The following SERAC1 variants were observed in gnomAD, a reference collection of about 807,000 sequenced individuals.
SERAC1 encodes the protein serine active site containing 1.
A neutral mutation model predicts 85.7 loss-of-function variants in SERAC1; 36 were observed. The ratio of observed to expected loss-of-function variants is 0.42; its 90% CI spans 0.32 to 0.55. The LOEUF is 0.55. Among genes scored for constraint, SERAC1 ranks in the 20% least tolerant of loss-of-function variants. The pLI is 0.11. For missense variants in SERAC1, 629 were observed against 796.2 expected (o/e 0.79, Z 2.53); for synonymous variants, 242 against 265.3 (o/e 0.91, Z 0.85).
chr6:158,155,513 T>C (rs1010666396), intron 2 of SERAC1, among the ~76,000 whole-genome samples, 162 bp from the exon 3 acceptor site: 1 of 152,204 alleles, frequency 6.6e-6, no homozygotes, highest in Non-Finnish European at 1.5e-5. Flanking sequence ...TCTCCTATCC[T>C]TAGACACAAA....
chr6:158,131,498 A>C (rs1351134725), intron 8 of SERAC1, among the ~76,000 whole-genome samples: 1 of 148,132 alleles, frequency 6.8e-6, no homozygotes, highest in Non-Finnish European at 1.5e-5. Flanking sequence ...TATTTTTTGT[A>C]TATTTATTTT....
chr6:158,133,627 C>A (rs1404714679), intron 8 of SERAC1, among the ~76,000 whole-genome samples: 3 of 151,972 alleles, frequency 2.0e-5, no homozygotes, highest in Non-Finnish European at 4.4e-5. Context: ...CCTCGTGATC[C>A]GCCCGCCTCG....
chr6:158,151,947 C>T (rs978210325), intron 3 of SERAC1, among the ~76,000 whole-genome samples: 1 of 152,140 alleles, frequency 6.6e-6, no homozygotes, highest in African/African-American at 2.4e-5. Context: ...GACAGGGTCT[C>T]AACCACGTTG....
Position 158,143,331 on chromosome 6 carries a change from CTCTCTCTCTCTCTCTCTATATATATA to C in SERAC1, c.610-173_610-148del, listed in dbSNP as rs755529504. The stretch of plus-strand genomic sequence containing the variant: ...TCTCTCTCTCTCTCTCTCTCTCTCT[CTCTCTCTCTCTCTCTCTATATATATA>C]TATATATATATATATATACACACAC... On this transcript the variant is annotated intron_variant, in intron 7 of 16. Transcript: ENST00000647468. 0.019 allele frequency: 3,803 copies of C among 198,864 alleles called. 41 individuals carry two copies. Among genetic ancestry groups the C allele is most frequent in the African/African-American group, 0.13 (1,803 of 14,320 alleles). The allele number at this position is 198,864 out of a possible 1,614,324, so 12.3% of individuals were successfully genotyped here.
chr6:158,114,900 T>C lies in SERAC1; in HGVS notation c.1573A>G (p.Arg525Gly). 1 of 1,613,894 alleles carries C rather than the reference T, an allele frequency of 6.2e-7. No individual in the cohort carries two copies. The highest frequency in any genetic ancestry group is 8.5e-7 in the Non-Finnish European group (1 of 1,179,844). Residue 525 changes from arginine to glycine, a missense_variant, in exon 15 of 17, where the codon AGA becomes GGA. Physicochemically the swap from Arg to Gly is moderately radical, Grantham distance 125 (BLOSUM62 -2). Transcript: ENST00000647468. ...PEMSTVINNT[R>G]GIIFYSVPHH... ...GGGACACTATAAAAAATTATTCCTCTGGTATTGTTGATAACAGTACTCATT... is the reference window on the plus strand; with the variant it reads ...GGGACACTATAAAAAATTATTCCTCCGGTATTGTTGATAACAGTACTCATT...
intron 8 of SERAC1, among the ~76,000 whole-genome samples, chr6:158,133,594 A>C (rs1396985954): frequency 6.6e-6 from 1 of 151,828 alleles, no homozygotes; most frequent in Non-Finnish European, 1.5e-5. Context: ...ACCATGTTAG[A>C]CAGGATGGTC....
chr6:158,158,002 T>C (rs1785396678), intron 2 of SERAC1, among the ~76,000 whole-genome samples: 1 of 152,186 alleles, frequency 6.6e-6, no homozygotes. Context: ...TTAATAAATA[T>C]CTGCTGAATG....
At chr6:158,165,154 T>G (rs2128426528) in intron 1 of SERAC1, among the ~76,000 whole-genome samples, 1 of 151,966 alleles carries the variant, frequency 6.6e-6, no homozygotes, top group Non-Finnish European at 1.5e-5. Flanking sequence ...CAGTTTTTTG[T>G]TTTTTGGTTT....
At chr6:158,149,169 T>C (rs1785145710) in intron 4 of SERAC1, among the ~76,000 whole-genome samples, 2 of 152,140 alleles carry the variant, frequency 1.3e-5, no homozygotes, top group African/African-American at 4.8e-5. Context: ...TTTTTTTGTA[T>C]TTTTAGTAGA....
At chr6:158,167,670 C>T (rs9365947) in intron 1 of SERAC1, among the ~76,000 whole-genome samples, 47,704 of 151,818 alleles carry the variant, frequency 0.31, 7,811 homozygotes, top group Admixed American at 0.46. Flanking sequence ...ACAGAACAGA[C>T]TTGGGGAAAG....
chr6:158,154,997 CTGAG>C (rs1785295352), intron 3 of SERAC1, among the ~76,000 whole-genome samples: 2 of 151,884 alleles, frequency 1.3e-5, no homozygotes, highest in South Asian at 2.1e-4. Flanking sequence ...CCTGCCGGAG[CTGAG>C]TGAGTGCCTG....
intron 8 of SERAC1, among the ~76,000 whole-genome samples, chr6:158,138,881 A>G (rs1284986331): frequency 6.6e-6 from 1 of 152,192 alleles, no homozygotes; most frequent in Non-Finnish European, 1.5e-5. Flanking sequence ...AAAATGTATA[A>G]ATTGGACTTC....
chr6:158,150,386 AG>A (rs1785173683), intron 4 of SERAC1, 66 bp downstream of exon 4: 2 of 1,267,762 alleles, frequency 1.6e-6, no homozygotes, highest in Non-Finnish European at 2.2e-6. Context: ...TGTTTTAAAT[AG>A]ACGCATTTTT....
chr6:158,154,073 T>A (rs923418944), intron 3 of SERAC1, among the ~76,000 whole-genome samples: 2 of 144,250 alleles, frequency 1.4e-5, no homozygotes, highest in South Asian at 2.2e-4. Context: ...GGTGGGAGGA[T>A]CACCTGAACC....
chr6:158,109,891 G>A lies in SERAC1; in HGVS notation c.*1475C>T, dbSNP rs1413016190. The A allele has an allele frequency of 6.6e-6, 1 of 152,082 alleles. No homozygotes were observed. Among genetic ancestry groups the A allele is most frequent in the East Asian group, 1.9e-4 (1 of 5,196 alleles). The allele number at this position is 152,082 out of a possible 1,614,324, so 9.4% of individuals were successfully genotyped here. A position where few individuals can be genotyped will look rare whatever the true frequency, so the allele number is the denominator to read the frequency against. On this transcript the variant is annotated 3_prime_UTR_variant, in exon 17 of 17. Transcript: ENST00000647468. ...GAAAACATGCTAATAGAAGGAAGAA[G>A]GCAGAGAGGGCCACATATTGTATGA...
chr6:158,121,972 A>G (rs1289012089), intron 10 of SERAC1, among the ~76,000 whole-genome samples: 1 of 152,264 alleles, frequency 6.6e-6, no homozygotes, highest in Non-Finnish European at 1.5e-5. Context: ...GAATGCACTC[A>G]TGCAAAACAC....
At chr6:158,137,586 G>T (rs1167993785) in intron 8 of SERAC1, among the ~76,000 whole-genome samples, 1 of 151,940 alleles carries the variant, frequency 6.6e-6, no homozygotes, top group East Asian at 1.9e-4. Flanking sequence ...CAATCAAAAG[G>T]TCATACGGGC....
intron 3 of SERAC1, among the ~76,000 whole-genome samples, chr6:158,152,200 G>C (rs1020210022): frequency 6.6e-6 from 1 of 152,186 alleles, no homozygotes; most frequent in Non-Finnish European, 1.5e-5. Context: ...GCAAAACACA[G>C]TGAGACTCTG....
rs113326511 is a variant in SERAC1 at position 158,117,115 on chromosome 6, C to T, written c.1403+612G>A. The T allele has an allele frequency of 4.0e-3, 659 of 165,564 alleles. 2 individuals carry two copies. Among genetic ancestry groups the T allele is most frequent in the African/African-American group, 0.015 (621 of 41,906 alleles). The allele number at this position is 165,564 out of a possible 1,614,324, so 10.3% of individuals were successfully genotyped here. A position where few individuals can be genotyped will look rare whatever the true frequency, so the allele number is the denominator to read the frequency against. On this transcript the variant is annotated intron_variant, in intron 13 of 16. Coordinates refer to ENST00000647468, the MANE Select transcript of SERAC1 (RefSeq NM_032861.4). This position sits in a 1 kb window ranked among gnomAD's most constrained non-coding sequence, Gnocchi z 4.3. The stretch of plus-strand genomic sequence containing the variant: ...GAGACCTGGGGTCTTGCCTGCTCAC[C>T]TTGACACCCTTCTTGGGCACCTACG...
Sources: gnomAD v4.1 joint callset for allele counts (sites outside exome capture counted in the v4.1 genomes callset) on GRCh38, gnomAD v4.1.1 for gene constraint, Gnocchi (gnomAD v3.1) non-coding constraint, MANE v1.5 for transcripts, NCBI Gene and HGNC (gene_info 2026-07-23, HGNC 2026-07-21) for gene names.